FOCAD: variants seen among roughly 807,000 people sequenced by gnomAD.
FOCAD encodes the protein focadhesin.
In FOCAD, 198 loss-of-function variants were observed where a neutral mutation model predicts 225.6. The observed-to-expected ratio is 0.88, with a 90% confidence interval of 0.78 to 0.99. The LOEUF is 0.99. Among genes scored for constraint, FOCAD ranks in the 50% least tolerant of loss-of-function variants. FOCAD has a pLI of 0.00. For missense variants in FOCAD, 2,713 were observed against 2,123.6 expected (o/e 1.28, Z -5.46); for synonymous variants, 897 against 755.0 (o/e 1.19, Z -3.08).
At chr9:20,790,094 C>G (rs1476477282) in intron 11 of FOCAD, among the ~76,000 whole-genome samples, 1 of 152,086 alleles carries the variant, frequency 6.6e-6, no homozygotes, top group East Asian at 1.9e-4. Flanking sequence ...TGACTCTTTG[C>G]TATATATGGT....
intron 8 of FOCAD, among the ~76,000 whole-genome samples, chr9:20,778,394 A>AT (rs1055720056): frequency 3.3e-5 from 5 of 151,684 alleles, no homozygotes; most frequent in African/African-American, 9.7e-5. Context: ...ATTTTTTTGT[A>AT]TTTTTTTGAT....
intron 15 of FOCAD, among the ~76,000 whole-genome samples, chr9:20,825,476 G>C (rs1824792726): frequency 6.6e-6 from 1 of 152,026 alleles, no homozygotes; most frequent in African/African-American, 2.4e-5. Context: ...TTGTCTATCT[G>C]TTACTGTTTA....
At chr9:20,880,604 A>C (rs1352523298) in intron 19 of FOCAD, among the ~76,000 whole-genome samples, 1 of 152,162 alleles carries the variant, frequency 6.6e-6, no homozygotes, top group East Asian at 1.9e-4. Flanking sequence ...GGAAAACGTC[A>C]CATATTGGTG....
chr9:20,884,658 A>G (rs1207349125), intron 20 of FOCAD, among the ~76,000 whole-genome samples: 2 of 152,130 alleles, frequency 1.3e-5, no homozygotes, highest in African/African-American at 4.8e-5. Context: ...TTATATATAA[A>G]TGGTCAAAAA....
intron 4 of FOCAD, among the ~76,000 whole-genome samples, chr9:20,727,975 C>T (rs1257915249): frequency 1.3e-5 from 2 of 151,970 alleles, no homozygotes; most frequent in Admixed American, 1.3e-4. Context: ...AAAAAGAGAC[C>T]CAGCATACGT....
chr9:20,927,999 A>G (rs972894295), intron 26 of FOCAD: 2 of 152,026 alleles, frequency 1.3e-5, no homozygotes, highest in African/African-American at 4.8e-5. Flanking sequence ...ATTGGAAGAT[A>G]AATTTTGCTC....
chr9:20,871,797 T>C (rs186848703), intron 18 of FOCAD, among the ~76,000 whole-genome samples: 1,998 of 146,558 alleles, frequency 0.014, 46 homozygotes, highest in African/African-American at 0.047. Context: ...TTAGGAGATA[T>C]ACCTAATGCT....
At chr9:20,786,427 G>T (rs746740695) in intron 10 of FOCAD, among the ~76,000 whole-genome samples, 1 of 152,158 alleles carries the variant, frequency 6.6e-6, no homozygotes, top group African/African-American at 2.4e-5. Context: ...CTCAGCTCTT[G>T]TCTAGAGTCT....
At chr9:20,829,155 G>A (rs1825228458) in intron 15 of FOCAD, among the ~76,000 whole-genome samples, 1 of 152,096 alleles carries the variant, frequency 6.6e-6, no homozygotes, top group Non-Finnish European at 1.5e-5. Flanking sequence ...TATATACCCA[G>A]TAATGAAATT....
intron 21 of FOCAD, among the ~76,000 whole-genome samples, chr9:20,900,909 G>A (rs1832498129): frequency 6.6e-6 from 1 of 151,844 alleles, no homozygotes; most frequent in Non-Finnish European, 1.5e-5. Context: ...AGGAGGGAAA[G>A]AGGGAAGGAA....
At chr9:20,819,606 AT>A (rs1824100230) in intron 11 of FOCAD, among the ~76,000 whole-genome samples, 189 bp from the exon 12 acceptor site, 1 of 152,132 alleles carries the variant, frequency 6.6e-6, no homozygotes, top group Non-Finnish European at 1.5e-5. Flanking sequence ...TTGGCAGCTA[AT>A]TATAAGTGGT....
chr9:20,885,273 C>G (rs1701036772), intron 21 of FOCAD, 43 bp downstream of exon 21: 1 of 1,372,984 alleles, frequency 7.3e-7, no homozygotes, highest in Admixed American at 2.8e-5. Flanking sequence ...GTGTTTTCTC[C>G]CTTCATGATA....
At chr9:20,898,161 T>A (rs983399115) in intron 21 of FOCAD, among the ~76,000 whole-genome samples, 1 of 151,816 alleles carries the variant, frequency 6.6e-6, no homozygotes, top group Non-Finnish European at 1.5e-5. Flanking sequence ...TTTCAGAATT[T>A]AAAAAAATCA....
intron 35 of FOCAD, among the ~76,000 whole-genome samples, chr9:20,955,257 A>G (rs1453838488): frequency 2.0e-5 from 3 of 152,150 alleles, no homozygotes; most frequent in East Asian, 1.9e-4. Flanking sequence ...GCCATCCCCA[A>G]TCCACATTTG....
chr9:20,851,574 A>G (rs1827661153), intron 15 of FOCAD, among the ~76,000 whole-genome samples: 1 of 151,840 alleles, frequency 6.6e-6, no homozygotes, highest in Admixed American at 6.6e-5. Flanking sequence ...AAAGTCTAAT[A>G]TCTGGTAACT....
At chr9:20,851,443 T>A (rs1827647123) in intron 15 of FOCAD, among the ~76,000 whole-genome samples, 1 of 151,878 alleles carries the variant, frequency 6.6e-6, no homozygotes, top group Admixed American at 6.6e-5. Context: ...ATTTGACTGC[T>A]TTATGGCAGC....
At chr9:20,825,116 T>C (rs1415539960) in intron 15 of FOCAD, among the ~76,000 whole-genome samples, 2 of 151,584 alleles carry the variant, frequency 1.3e-5, no homozygotes, top group African/African-American at 2.4e-5. Context: ...AATATATCTT[T>C]CTGTTTTGTT....
At position 20,821,067 on chromosome 9, in the gene FOCAD, C is replaced by G. The variant is rs765910581; in HGVS notation, c.1789C>G (p.Gln597Glu). The G allele has an allele frequency of 3.1e-6, 5 of 1,611,784 alleles. No individual in the cohort carries two copies. In the South Asian group the frequency reaches 4.4e-5, roughly 14 times the overall value. The change falls in exon 14 of 44, where the codon CAG (glutamine) becomes GAG (glutamate). Residue 597 changes from glutamine (Q) to glutamate (E), a missense_variant. By Grantham distance (29) the Gln-to-Glu change is conservative. Coordinates refer to ENST00000338382, the MANE Select transcript of FOCAD (RefSeq NM_001375567.1). ...AGCATCAATCAGAGATATATGTAAG[C>G]AGAGGTATGATGTCATTAACTCTTA... ...KAASIRDICKQRPYQHGADML... is the reference protein window; with the variant it reads ...KAASIRDICKERPYQHGADML...
In FOCAD at chr9:20,923,675, G is replaced by A. The variant is rs1293694486; in HGVS notation, c.2868G>A (p.Val956=). 1 of 1,613,836 alleles carries A rather than the reference G, an allele frequency of 6.2e-7. No individual in the cohort carries two copies. The highest frequency in any genetic ancestry group is 1.3e-5 in the African/African-American group (1 of 74,926). The change falls in exon 25 of 44, where the codon GTG becomes GTA. Residue 956 remains valine (V), a synonymous_variant. Transcript: ENST00000338382. ...TKAAAKESPV[V]KGNALLALSS... ...TTTTGAACAGGGAGAGTCCGGTAGT[G>A]AAAGGCAATGCGCTGTTAGCTCTAA...
Sources: allele counts gnomAD v4.1 joint callset (sites outside exome capture counted in the v4.1 genomes callset), GRCh38; gene constraint gnomAD v4.1.1; transcripts MANE v1.5; gene names NCBI Gene and HGNC (gene_info 2026-07-23, HGNC 2026-07-21).